The following TMCO5A variants were observed in gnomAD, a reference collection of about 807,000 sequenced individuals.
The protein encoded by TMCO5A is transmembrane and coiled-coil domains 5A.
In TMCO5A, 34 loss-of-function variants were observed where a neutral mutation model predicts 42.3. That is an observed-to-expected ratio of 0.80 (90% CI 0.61 to 1.07). The LOEUF (loss-of-function observed/expected upper bound fraction) is 1.07. TMCO5A is among the 50% of genes least tolerant of loss of function. The probability of loss-of-function intolerance (pLI) is 0.00; values close to 1 mark genes in which losing one functional copy is unlikely to be tolerated. For synonymous variants in TMCO5A, 131 were observed against 115.6 expected (o/e 1.13, Z -0.86); for missense variants, 357 against 327.9 (o/e 1.09, Z -0.69).
At chr15:37,986,735 T>C in the TMCO5A span, among the ~76,000 whole-genome samples, 1 of 152,060 alleles carries the variant, frequency 6.6e-6, no homozygotes, top group Non-Finnish European at 1.5e-5. Context: ...TATTTCACTT[T>C]ATATGTCTTC....
downstream of TMCO5A, among the ~76,000 whole-genome samples, chr15:37,972,680 C>A (rs545409019): frequency 6.6e-6 from 1 of 151,792 alleles, no homozygotes; most frequent in African/African-American, 2.4e-5. Context: ...TCTGGATATT[C>A]GACATTTATT....
the TMCO5A span, among the ~76,000 whole-genome samples, chr15:37,997,631 T>C: frequency 6.6e-6 from 1 of 152,212 alleles, no homozygotes; most frequent in African/African-American, 2.4e-5. Flanking sequence ...CTTAGGCTGC[T>C]TCCAAATCTT....
chr15:37,980,673 TTTCTTTC>T, the TMCO5A span, among the ~76,000 whole-genome samples: 13 of 151,690 alleles, frequency 8.6e-5, no homozygotes, highest in African/African-American at 3.2e-4. Context: ...ATCTAGTGTC[TTTCTTTC>T]TACACTGAAT....
downstream of TMCO5A, chr15:37,967,788 C>G (rs371850915): frequency 5.9e-5 from 9 of 152,262 alleles, no homozygotes; most frequent in South Asian, 4.1e-4. Flanking sequence ...TTGTCAGGAG[C>G]CTTTATAGCT....
chr15:37,983,968 G>A, the TMCO5A span, among the ~76,000 whole-genome samples: 2 of 152,010 alleles, frequency 1.3e-5, no homozygotes, highest in Admixed American at 1.3e-4. Flanking sequence ...CCTGACCTCA[G>A]GTGATCCACC....
downstream of TMCO5A, among the ~76,000 whole-genome samples, chr15:37,954,302 G>T (rs1003629948): frequency 4.6e-5 from 7 of 152,082 alleles, no homozygotes; most frequent in African/African-American, 1.7e-4. Flanking sequence ...CACAAATGCA[G>T]CAAGAGAAAA....
At chr15:38,021,945 G>C in the TMCO5A span, among the ~76,000 whole-genome samples, 1 of 151,842 alleles carries the variant, frequency 6.6e-6, no homozygotes, top group Non-Finnish European at 1.5e-5. Flanking sequence ...GAGTAGCTGG[G>C]ACTACAGGCA....
the TMCO5A span, among the ~76,000 whole-genome samples, chr15:38,010,102 G>A: frequency 6.6e-6 from 1 of 151,754 alleles, no homozygotes; most frequent in Non-Finnish European, 1.5e-5. Context: ...GTCCGGGCGC[G>A]GTGGCTCCCG....
chr15:38,024,171 C>T, the TMCO5A span, among the ~76,000 whole-genome samples: 1 of 152,124 alleles, frequency 6.6e-6, no homozygotes, highest in African/African-American at 2.4e-5. Flanking sequence ...CTTGCCTTTC[C>T]ACTCCTTCTA....
At chr15:38,019,114 T>C in the TMCO5A span, among the ~76,000 whole-genome samples, 1 of 151,990 alleles carries the variant, frequency 6.6e-6, no homozygotes, top group Admixed American at 6.6e-5. Context: ...AAATAAATCA[T>C]AGTGAAGAAT....
chr15:37,936,539 C>T (rs1889519015), intron 3 of TMCO5A, 76 bp downstream of exon 3: 1 of 1,521,818 alleles, frequency 6.6e-7, no homozygotes, highest in Non-Finnish European at 8.8e-7. Flanking sequence ...ACTGAATTTT[C>T]CTGCTTGTTC....
downstream of TMCO5A, among the ~76,000 whole-genome samples, chr15:37,968,672 GC>G (rs1890614473): frequency 7.0e-6 from 1 of 142,342 alleles, no homozygotes; most frequent in Non-Finnish European, 1.5e-5. Context: ...AACTTCCACC[GC>G]CCAGGTTCAA....
chr15:38,029,319 C>A, the TMCO5A span, among the ~76,000 whole-genome samples: 166 of 151,748 alleles, frequency 1.1e-3, no homozygotes, highest in African/African-American at 3.9e-3. Flanking sequence ...AATACAGGCA[C>A]ACATACACAT....
intron 4 of TMCO5A, 112 bp downstream of exon 4, chr15:37,937,082 CA>C: frequency 6.8e-7 from 1 of 1,472,088 alleles, no homozygotes; most frequent in Non-Finnish European, 9.1e-7. Context: ...GTAGCCATCT[CA>C]AAAGTCATGA....
the TMCO5A span, among the ~76,000 whole-genome samples, chr15:38,001,436 GT>G: frequency 0.13 from 16,841 of 128,216 alleles, 1,401 homozygotes; most frequent in African/African-American, 0.25. Flanking sequence ...ATTGGATCTT[GT>G]TTTTTTTTTT....
chr15:37,952,132 C>G (rs1479348069), downstream of TMCO5A, among the ~76,000 whole-genome samples: 1 of 152,082 alleles, frequency 6.6e-6, no homozygotes, highest in African/African-American at 2.4e-5. Flanking sequence ...CTTGCCGCTG[C>G]CAAGCTAAAG....
intron 4 of TMCO5A, 149 bp downstream of exon 4, chr15:37,937,119 G>A: frequency 7.6e-7 from 1 of 1,308,744 alleles, no homozygotes; most frequent in South Asian, 1.5e-5. Flanking sequence ...CGTGGAAGGG[G>A]ATGTGTCTGG....
rs1889774031 is a variant in TMCO5A at position 37,942,248 on chromosome 15, A to G, written c.562A>G (p.Arg188Gly). The G allele has an allele frequency of 1.9e-6, 3 of 1,612,632 alleles. No homozygotes were observed. The highest frequency in any genetic ancestry group is 2.7e-5 in the African/African-American group (2 of 74,826). The change falls in exon 9 of 12, where the codon AGA becomes GGA. Residue 188 changes from arginine (R) to glycine (G), a missense_variant. Coordinates refer to ENST00000319669, the MANE Select transcript of TMCO5A (RefSeq NM_152453.4). The stretch of plus-strand genomic sequence containing the variant: ...AGAACTAGAGGCTCTGTTCCTTGAG[A>G]GAGAAGTGTGAGCTTTGGCAAAGGA... Reference protein sequence around the residue: ...EEELEALFLEREVSKLVSMNP... With the variant: ...EEELEALFLEGEVSKLVSMNP...
chr15:38,024,144 T>C, the TMCO5A span, among the ~76,000 whole-genome samples: 10 of 152,200 alleles, frequency 6.6e-5, no homozygotes, highest in Admixed American at 6.5e-4. Context: ...TGGTCTCTGG[T>C]TTTAATTTTC....
Sources: allele counts gnomAD v4.1 joint callset (sites outside exome capture counted in the v4.1 genomes callset), GRCh38; gene constraint gnomAD v4.1.1; transcripts MANE v1.5; gene names NCBI Gene and HGNC (gene_info 2026-07-23, HGNC 2026-07-21).